Variants in CUX1 observed in about 807,000 individuals in gnomAD.
CUX1 encodes the protein cut like homeobox 1, also known as protein CASP.
CUX1 carries 31 observed loss-of-function variants against 158.8 expected under a neutral mutation model. That is an observed-to-expected ratio of 0.20 (90% CI 0.15 to 0.26). The LOEUF (loss-of-function observed/expected upper bound fraction) is 0.26, where lower values mean the gene tolerates loss of function less well. Among genes scored for constraint, CUX1 ranks in the 10% least tolerant of loss-of-function variants. CUX1 has a pLI of 1.00. For synonymous variants in CUX1, 879 were observed against 862.1 expected (o/e 1.02, Z -0.34); for missense variants, 1,589 against 2,014.6 (o/e 0.79, Z 4.04).
chr7:102,142,033 T>A (rs372697616), intron 8 of CUX1, among the ~76,000 whole-genome samples: 3 of 152,042 alleles, frequency 2.0e-5, no homozygotes, highest in African/African-American at 7.2e-5. Flanking sequence ...AGGCTTTTAG[T>A]AGAGACAGGT....
intron 22 of CUX1, among the ~76,000 whole-genome samples, chr7:102,237,075 G>C (rs782117922): frequency 6.6e-6 from 1 of 152,190 alleles, no homozygotes; most frequent in Non-Finnish European, 1.5e-5. Context: ...ACTGGAGGGA[G>C]TCCCCACGGT....
At chr7:101,820,473 A>C (rs1163637195) in intron 1 of CUX1, among the ~76,000 whole-genome samples, 5 of 152,254 alleles carry the variant, frequency 3.3e-5, no homozygotes. Context: ...CCATTATTCA[A>C]ATATACAGGA....
Position 102,062,320 on chromosome 7 carries a change from A to G in CUX1, c.190-8019A>G, listed in dbSNP as rs1824978273. 2.0e-5 allele frequency among the ~76,000 whole-genome samples: 3 copies of G among 152,144 alleles called. 1 individual carries two copies. Among genetic ancestry groups the G allele is most frequent in the African/African-American group, 7.2e-5 (3 of 41,544 alleles). ...GTTGGGAGCGGCAGCAGCATATTCCATGTGACTCCGGGAACCCACAGCACA... is the reference window on the plus strand; with the variant it reads ...GTTGGGAGCGGCAGCAGCATATTCCGTGTGACTCCGGGAACCCACAGCACA... On this transcript the variant is annotated intron_variant, in intron 3 of 23. Transcript: ENST00000292535.
At chr7:101,850,980 C>T (rs1013750286) in intron 1 of CUX1, among the ~76,000 whole-genome samples, 2 of 152,218 alleles carry the variant, frequency 1.3e-5, no homozygotes, top group Admixed American at 1.3e-4. Flanking sequence ...TGGTGGTGTG[C>T]ACCTGTAAGT....
chr7:102,226,434 A>G (rs895319222), intron 20 of CUX1, among the ~76,000 whole-genome samples: 3 of 152,088 alleles, frequency 2.0e-5, no homozygotes, highest in Non-Finnish European at 4.4e-5. Context: ...GCTCTTCACA[A>G]CAAAAAAACA....
intron 2 of CUX1, among the ~76,000 whole-genome samples, chr7:101,986,496 G>A (rs1273912032): frequency 2.0e-5 from 3 of 152,186 alleles, no homozygotes; most frequent in South Asian, 2.1e-4. Context: ...TATTACAGGC[G>A]GCACTGTGTC....
At chr7:101,879,095 A>G (rs970150557) in intron 1 of CUX1, among the ~76,000 whole-genome samples, 6 of 152,326 alleles carry the variant, frequency 3.9e-5, no homozygotes, top group Non-Finnish European at 7.3e-5. Flanking sequence ...ACTCAAACCA[A>G]TATGCCTAAG....
intron 21 of CUX1, among the ~76,000 whole-genome samples, 164 bp downstream of exon 21, chr7:102,227,833 C>T (rs1326564990): frequency 6.6e-6 from 1 of 152,078 alleles, no homozygotes; most frequent in Non-Finnish European, 1.5e-5. Flanking sequence ...AGGAGCGTGC[C>T]GTCTGCAGGT....
intron 2 of CUX1, among the ~76,000 whole-genome samples, chr7:101,952,406 A>G (rs1340978375): frequency 6.6e-6 from 1 of 152,130 alleles, no homozygotes. Flanking sequence ...AAAAGTACAG[A>G]TTCTCGGGTC....
chr7:101,921,190 C>T (rs555347749), intron 2 of CUX1, among the ~76,000 whole-genome samples: 1 of 152,132 alleles, frequency 6.6e-6, no homozygotes, highest in Non-Finnish European at 1.5e-5. Context: ...CAGATACCTC[C>T]CAAAGCCCCA....
chr7:102,243,074 G>C (rs1800394603), intron 23 of CUX1, among the ~76,000 whole-genome samples: 1 of 152,158 alleles, frequency 6.6e-6, no homozygotes, highest in Non-Finnish European at 1.5e-5. Context: ...AGGAGTTCGA[G>C]ACCAGCCTGG....
intron 8 of CUX1, among the ~76,000 whole-genome samples, chr7:102,148,694 TA>T (rs1281832020): frequency 2.7e-5 from 4 of 148,122 alleles, no homozygotes; most frequent in South Asian, 4.2e-4. Flanking sequence ...GTATGTGTTA[TA>T]TATATATAAT....
chr7:102,239,691 C>A (rs1554534220), intron 23 of CUX1, 107 bp downstream of exon 23: 24 of 1,329,996 alleles, frequency 1.8e-5, no homozygotes, highest in Non-Finnish European at 6.1e-6. Flanking sequence ...GGAGGTGGGG[C>A]GCTGGGAGCT....
At chr7:102,126,334 C>G (rs1482628473) in intron 8 of CUX1, among the ~76,000 whole-genome samples, 1 of 151,960 alleles carries the variant, frequency 6.6e-6, no homozygotes, top group East Asian at 1.9e-4. Context: ...GTACCACGCC[C>G]GGCCCGTGAC....
chr7:102,156,134 G>T (rs1789724185), intron 8 of CUX1, among the ~76,000 whole-genome samples: 1 of 152,182 alleles, frequency 6.6e-6, no homozygotes, highest in Admixed American at 6.5e-5. Flanking sequence ...GTTAAAGGCT[G>T]CAAAAGCCTC....
At chr7:102,273,604 C>G (rs1791391892) in intron 15 of CUX1, 3 of 1,355,362 alleles carry the variant, frequency 2.2e-6, no homozygotes, top group Non-Finnish European at 3.0e-6. Context: ...TGGTGACAAC[C>G]CAGAAGGGCT....
intron 9 of CUX1, among the ~76,000 whole-genome samples, chr7:102,169,622 G>C (rs1311522953): frequency 6.6e-6 from 1 of 152,238 alleles, no homozygotes; most frequent in Non-Finnish European, 1.5e-5. Flanking sequence ...GTAGGCAGCA[G>C]CTCAGTGAGT....
At position 102,265,304 on chromosome 7, in the gene CUX1, C is replaced by T. The variant is rs980022096; in HGVS notation, c.1256-8062C>T. On this transcript the variant is annotated intron_variant, in intron 14 of 22. Transcript: ENST00000292538. ...CCCGGAGGCAGAGGTTGCAGTGAGCCGAGATTACACCACTATACTCCAGCC... is the reference window on the plus strand; with the variant it reads ...CCCGGAGGCAGAGGTTGCAGTGAGCTGAGATTACACCACTATACTCCAGCC... 7.4e-5 allele frequency among the ~76,000 whole-genome samples: 11 copies of T among 148,398 alleles called. No individual in the cohort carries two copies. In the East Asian group the frequency reaches 1.2e-3, roughly 16 times the overall value.
rs782489268 is a variant in CUX1 at position 102,201,616 on chromosome 7, C to G, written c.2319C>G (p.Ala773=). ...SLKKPSAAPE[A]GASALPNPPA... ...AGAAGCCCTCCGCAGCTCCTGAGGC[C>G]GGTGCCTCTGCTCTGCCGAACCCCC... is the stretch of plus-strand genomic sequence containing the variant. Residue 773 remains alanine, a synonymous_variant, in exon 18 of 24, where the codon GCC becomes GCG. Transcript: ENST00000292535. This position sits in a 1 kb window ranked among gnomAD's most constrained non-coding sequence, Gnocchi z 5.0. The G allele has an allele frequency of 2.5e-6, 4 of 1,613,986 alleles. No individual in the cohort carries two copies. The highest frequency in any genetic ancestry group is 2.5e-6 in the Non-Finnish European group (3 of 1,179,978).
Sources: gnomAD v4.1 joint callset for allele counts (sites outside exome capture counted in the v4.1 genomes callset) on GRCh38, gnomAD v4.1.1 for gene constraint, Gnocchi (gnomAD v3.1) non-coding constraint, MANE v1.5 for transcripts, NCBI Gene and HGNC (gene_info 2026-07-23, HGNC 2026-07-21) for gene names.